EPHB1: variants seen among roughly 807,000 people sequenced by gnomAD.
EPHB1 encodes EPH receptor B1.
Under a neutral mutation model 94.4 loss-of-function variants are expected in EPHB1, and 30 were observed. The observed-to-expected ratio is 0.32, with a 90% confidence interval of 0.24 to 0.43. The LOEUF (loss-of-function observed/expected upper bound fraction) is 0.43, where lower values mean the gene tolerates loss of function less well. Ranked by LOEUF, EPHB1 falls within the 20% of genes least tolerant of loss-of-function variation. The pLI is 1.00. For missense variants in EPHB1, 1,055 were observed against 1,308.3 expected (o/e 0.81, Z 2.99); for synonymous variants, 522 against 489.1 (o/e 1.07, Z -0.89).
chr3:135,148,519 G>T (rs150574684), intron 5 of EPHB1, among the ~76,000 whole-genome samples: 185 of 152,206 alleles, frequency 1.2e-3, no homozygotes, highest in African/African-American at 4.3e-3. Context: ...CTGGTGGTCT[G>T]CCAGGCTGCA....
chr3:135,004,546 C>G (rs566381826), intron 3 of EPHB1, among the ~76,000 whole-genome samples: 163 of 152,254 alleles, frequency 1.1e-3, no homozygotes, highest in African/African-American at 3.9e-3. Flanking sequence ...TAATATCCTG[C>G]AGAGTGTTTT....
At chr3:135,188,154 A>C (rs1198363463) in intron 10 of EPHB1, among the ~76,000 whole-genome samples, 2 of 151,568 alleles carry the variant, frequency 1.3e-5, no homozygotes, top group Non-Finnish European at 2.9e-5. Context: ...AACCGAGATC[A>C]CATCACTGTA....
intron 1 of EPHB1, among the ~76,000 whole-genome samples, chr3:134,925,188 A>T (rs2038764759): frequency 6.6e-6 from 1 of 152,188 alleles, no homozygotes; most frequent in Non-Finnish European, 1.5e-5. Context: ...CATCACCTGC[A>T]TGGTAGGCTG....
Position 135,162,110 on chromosome 3 carries a change from G to A in EPHB1, c.1515G>A (p.Gln505=), listed in dbSNP as rs2107698247. The change falls in exon 7 of 16, where the codon CAG becomes CAA. Residue 505 remains glutamine, a synonymous_variant. Transcript: ENST00000398015. ...GGCCTGGCATGGTATATGTGGTACAGGTGCGTGCCCGCACTGTTGCTGGCT... is the reference window on the plus strand; with the variant it reads ...GGCCTGGCATGGTATATGTGGTACAAGTGCGTGCCCGCACTGTTGCTGGCT... ...GLRPGMVYVV[Q]VRARTVAGYG... 2 of 1,613,370 alleles carry A rather than the reference G, an allele frequency of 1.2e-6. No individual in the cohort carries two copies. Among genetic ancestry groups the A allele is most frequent in the Non-Finnish European group, 1.7e-6 (2 of 1,179,552 alleles).
intron 4 of EPHB1, among the ~76,000 whole-genome samples, chr3:135,131,483 C>T (rs58265070): frequency 0.012 from 1,763 of 152,208 alleles, 31 homozygotes; most frequent in South Asian, 0.037. Flanking sequence ...CTATCTGAAG[C>T]GGCTGCTCCA....
chr3:134,798,980 G>T (rs2035885332), intron 1 of EPHB1, among the ~76,000 whole-genome samples: 1 of 152,228 alleles, frequency 6.6e-6, no homozygotes, highest in Admixed American at 6.5e-5. Context: ...CTGCTCTTTT[G>T]TGTAGCCTAT....
intron 7 of EPHB1, among the ~76,000 whole-genome samples, chr3:135,162,431 A>T (rs1941534681): frequency 6.6e-6 from 1 of 152,126 alleles, no homozygotes; most frequent in Admixed American, 6.5e-5. Flanking sequence ...TTCAGCAGTG[A>T]GACTCATACC....
chr3:135,220,416 G>T (rs570681978), intron 12 of EPHB1, among the ~76,000 whole-genome samples: 2 of 152,106 alleles, frequency 1.3e-5, no homozygotes, highest in East Asian at 1.9e-4. Flanking sequence ...GGAAAGGAAG[G>T]TTCTCAGCGA....
At chr3:135,190,940 A>G (rs888691130) in intron 10 of EPHB1, among the ~76,000 whole-genome samples, 1 of 152,168 alleles carries the variant, frequency 6.6e-6, no homozygotes, top group Admixed American at 6.5e-5. Flanking sequence ...TATATGATTC[A>G]ATGTGAAAAG....
chr3:134,972,683 G>A (rs1038537632), intron 3 of EPHB1, among the ~76,000 whole-genome samples: 5 of 151,884 alleles, frequency 3.3e-5, no homozygotes, highest in African/African-American at 1.2e-4. Context: ...AATACTGTGT[G>A]TTATGCTACA....
At chr3:135,179,407 G>A (rs754561553) in intron 9 of EPHB1, among the ~76,000 whole-genome samples, 48 of 152,180 alleles carry the variant, frequency 3.2e-4, no homozygotes, top group Admixed American at 1.1e-3. Context: ...TTACAGCCCT[G>A]CACCACAGCC....
intron 11 of EPHB1, 80 bp from the exon 12 acceptor site, chr3:135,201,394 C>T: frequency 6.9e-7 from 1 of 1,440,050 alleles, no homozygotes; most frequent in Admixed American, 1.7e-5. Context: ...AGCTGACAAG[C>T]AGCAGGGCCA....
At chr3:135,076,794 C>A (rs1937942525) in intron 3 of EPHB1, among the ~76,000 whole-genome samples, 1 of 152,202 alleles carries the variant, frequency 6.6e-6, no homozygotes, top group South Asian at 2.1e-4. Flanking sequence ...ACACATTACA[C>A]TATGGATGAA....
At chr3:135,054,009 G>T (rs938227030) in intron 3 of EPHB1, among the ~76,000 whole-genome samples, 1 of 136,966 alleles carries the variant, frequency 7.3e-6, no homozygotes, top group African/African-American at 2.8e-5. Flanking sequence ...ATATACATGT[G>T]CATATGTGTG....
chr3:135,235,200 T>C (rs1011500358), intron 12 of EPHB1, among the ~76,000 whole-genome samples: 1 of 152,256 alleles, frequency 6.6e-6, no homozygotes, highest in Admixed American at 6.5e-5. Context: ...TCAAAACCTC[T>C]TGTTGAGCCC....
chr3:134,925,764 A>G (rs1032625378), intron 1 of EPHB1, 52 bp from the exon 2 acceptor site: 9 of 1,484,540 alleles, frequency 6.1e-6, no homozygotes, highest in African/African-American at 1.4e-5. Context: ...CTGTATAGCA[A>G]TCCTTCTGAC....
At chr3:135,053,054 T>TATATATATATATATATATATAA (rs1228359626) in intron 3 of EPHB1, among the ~76,000 whole-genome samples, 1 of 136,360 alleles carries the variant, frequency 7.3e-6, no homozygotes, top group African/African-American at 2.8e-5. Flanking sequence ...TATATATATA[T>TATATATATATATATATATATAA]AAAGTTGGTG....
chr3:134,827,589 T>C (rs1251508113), intron 1 of EPHB1, among the ~76,000 whole-genome samples: 1 of 152,258 alleles, frequency 6.6e-6, no homozygotes, highest in Non-Finnish European at 1.5e-5. Context: ...AATTTCTTGG[T>C]AGTTCCTGCA....
chr3:134,959,334 G>T (rs904405841), intron 3 of EPHB1, among the ~76,000 whole-genome samples: 1 of 152,118 alleles, frequency 6.6e-6, no homozygotes, highest in African/African-American at 2.4e-5. Flanking sequence ...CACCAGTCTA[G>T]AGAGCCATGG....
Sources: gnomAD v4.1 joint callset for allele counts (sites outside exome capture counted in the v4.1 genomes callset) on GRCh38, gnomAD v4.1.1 for gene constraint, MANE v1.5 for transcripts, NCBI Gene and HGNC (gene_info 2026-07-23, HGNC 2026-07-21) for gene names.